CSMD1: variants seen among roughly 807,000 people sequenced by gnomAD.
CSMD1 encodes the protein CUB and sushi domain-containing protein 1.
CSMD1 carries 213 observed loss-of-function variants against 417.5 expected under a neutral mutation model. The ratio of observed to expected loss-of-function variants is 0.51; its 90% CI spans 0.46 to 0.57. The LOEUF (loss-of-function observed/expected upper bound fraction) is 0.57. Among genes scored for constraint, CSMD1 ranks in the 20% least tolerant of loss-of-function variants. CSMD1 has a pLI of 0.00. For synonymous variants in CSMD1, 2,862 were observed against 1,736.8 expected (o/e 1.65, Z -16.11); for missense variants, 6,923 against 4,529.7 (o/e 1.53, Z -15.17).
At chr8:4,272,828 T>G (rs966841984) in intron 3 of CSMD1, among the ~76,000 whole-genome samples, 1 of 152,204 alleles carries the variant, frequency 6.6e-6, no homozygotes, top group Non-Finnish European at 1.5e-5. Flanking sequence ...TTTGCTTGTA[T>G]CAGTCTTGAT....
intron 3 of CSMD1, among the ~76,000 whole-genome samples, chr8:4,181,340 A>G (rs1370255189): frequency 6.6e-6 from 1 of 151,666 alleles, no homozygotes; most frequent in Non-Finnish European, 1.5e-5. Flanking sequence ...AAGAAATGCA[A>G]TGGTACGGTT....
chr8:3,450,312 ATT>A (rs74808597), intron 12 of CSMD1, among the ~76,000 whole-genome samples: 29 of 146,902 alleles, frequency 2.0e-4, no homozygotes, highest in Admixed American at 8.8e-4. Flanking sequence ...AGCCTCTCCT[ATT>A]TTTTTTTTTA....
intron 2 of CSMD1, among the ~76,000 whole-genome samples, chr8:4,500,439 G>A (rs1246481138): frequency 6.6e-6 from 1 of 152,092 alleles, no homozygotes; most frequent in Non-Finnish European, 1.5e-5. Context: ...TGCGTAGATC[G>A]TGTAAACAAA....
intron 37 of CSMD1, among the ~76,000 whole-genome samples, chr8:3,180,432 A>T (rs569506816): frequency 7.9e-4 from 120 of 152,324 alleles, no homozygotes; most frequent in African/African-American, 2.8e-3. Context: ...TAATCTAGGC[A>T]GAAGTCAGGA....
At chr8:4,093,703 G>C (rs144772113) in intron 3 of CSMD1, among the ~76,000 whole-genome samples, 1 of 152,152 alleles carries the variant, frequency 6.6e-6, no homozygotes, top group Admixed American at 6.5e-5. Context: ...GCTCACAACT[G>C]TAATTTCGGC....
At position 3,106,639 on chromosome 8, in the gene CSMD1, C is replaced by G. The variant is rs752686366; in HGVS notation, c.6838G>C (p.Asp2280His). 1.2e-6 allele frequency: 2 copies of G among 1,606,330 alleles called. No homozygotes were observed. Among genetic ancestry groups the G allele is most frequent in the Non-Finnish European group, 1.7e-6 (2 of 1,173,698 alleles). Reference protein sequence around the residue: ...LTEDDDFEIGDFVKYQCHPGY... With the variant: ...LTEDDDFEIGHFVKYQCHPGY... ...GGGTGGCACTGGTACTTCACAAAATCTCCTAGAAGAGTCAATGCAACAAAC... is the reference window on the plus strand; with the variant it reads ...GGGTGGCACTGGTACTTCACAAAATGTCCTAGAAGAGTCAATGCAACAAAC... Residue 2280 changes from aspartate (D) to histidine (H), a missense_variant and splice_region_variant, in exon 46 of 70, where the codon GAT becomes CAT. Coordinates refer to ENST00000635120, the MANE Select transcript of CSMD1 (RefSeq NM_033225.6).
chr8:3,440,581 G>A (rs1585168606), intron 12 of CSMD1, among the ~76,000 whole-genome samples: 2 of 152,242 alleles, frequency 1.3e-5, no homozygotes. Flanking sequence ...AGACGATCAC[G>A]TTACTTGCAA....
chr8:3,409,462 G>C lies in CSMD1; in HGVS notation c.1705C>G (p.Gln569Glu), dbSNP rs1228175975. The C allele has an allele frequency of 1.2e-6, 2 of 1,611,470 alleles. No individual in the cohort carries two copies. The highest frequency in any genetic ancestry group is 2.2e-5 in the East Asian group (1 of 44,746). Residue 569 changes from glutamine to glutamate, a missense_variant, in exon 13 of 70, where the codon CAG becomes GAG. Physicochemically the swap from Gln to Glu is conservative, Grantham distance 29 (BLOSUM62 2). Transcript: ENST00000635120. ...LVGERVITCQ[Q>E]NNQWSGNKPS... The stretch of plus-strand genomic sequence containing the variant: ...TTGTTGCCAGACCACTGATTGTTCT[G>C]CTGACAGGTGATAACTCTCTCCCCC...
rs564656673 is a variant in CSMD1 at position 3,924,278 on chromosome 8, GCT to G, written c.818+73623_818+73624del. On this transcript the variant is annotated intron_variant, in intron 5 of 69. Transcript: ENST00000635120. ...AGGGATACCTTATATGTTGTAAACT[GCT>G]TTCCTCTTGATGCTTTCAATATTCC... 2.4e-3 allele frequency among the ~76,000 whole-genome samples: 366 copies of G among 152,260 alleles called. 2 individuals carry two copies. Among genetic ancestry groups the G allele is most frequent in the Non-Finnish European group, 4.3e-3 (292 of 68,014 alleles).
chr8:4,837,127 C>A (rs1055364531), intron 1 of CSMD1, among the ~76,000 whole-genome samples: 1 of 151,810 alleles, frequency 6.6e-6, no homozygotes, highest in Admixed American at 6.6e-5. Context: ...TCTAATAGAT[C>A]CAAATAATGT....
intron 1 of CSMD1, among the ~76,000 whole-genome samples, chr8:4,883,571 T>A (rs964391797): frequency 4.6e-5 from 7 of 152,130 alleles, no homozygotes; most frequent in Non-Finnish European, 1.0e-4. Context: ...TTTCGTATAA[T>A]AGAATCACAT....
chr8:4,771,944 G>A (rs1011350959), intron 1 of CSMD1, among the ~76,000 whole-genome samples: 2 of 152,166 alleles, frequency 1.3e-5, no homozygotes, highest in Non-Finnish European at 2.9e-5. Context: ...CGGGGATCTC[G>A]TGATAATTCC....
chr8:3,194,449 T>TATTTTATTTTATTTTATTTCATTTC (rs1796590523), intron 33 of CSMD1, among the ~76,000 whole-genome samples: 3 of 145,834 alleles, frequency 2.1e-5, no homozygotes, highest in Non-Finnish European at 4.4e-5. Context: ...TATTTTATTT[T>TATTTTATTTTATTTTATTTCATTTC]ATTTTATTTT....
At chr8:4,302,043 T>C (rs1166965398) in intron 3 of CSMD1, among the ~76,000 whole-genome samples, 1 of 152,234 alleles carries the variant, frequency 6.6e-6, no homozygotes, top group Non-Finnish European at 1.5e-5. Context: ...TTGAAATCCC[T>C]AATTTTTTCA....
At chr8:3,177,283 G>T (rs952933977) in intron 37 of CSMD1, among the ~76,000 whole-genome samples, 1 of 152,170 alleles carries the variant, frequency 6.6e-6, no homozygotes, top group Non-Finnish European at 1.5e-5. Context: ...CCTCTATCAG[G>T]GGGCTATAAG....
chr8:4,092,315 T>A (rs1800763626), intron 3 of CSMD1, among the ~76,000 whole-genome samples: 1 of 152,192 alleles, frequency 6.6e-6, no homozygotes. Flanking sequence ...CCTGGCTTCG[T>A]CCTTTCCTGT....
intron 49 of CSMD1, among the ~76,000 whole-genome samples, chr8:3,086,668 C>T (rs948192145): frequency 2.0e-5 from 3 of 152,122 alleles, no homozygotes; most frequent in African/African-American, 7.2e-5. Flanking sequence ...CTTTAACAAG[C>T]TCTAGATTTA....
chr8:3,965,577 T>A (rs1319129512), intron 5 of CSMD1, among the ~76,000 whole-genome samples: 1 of 152,056 alleles, frequency 6.6e-6, no homozygotes, highest in Admixed American at 6.5e-5. Flanking sequence ...TTCCAGGCCT[T>A]AGTGTTAATG....
intron 1 of CSMD1, among the ~76,000 whole-genome samples, chr8:4,753,762 G>A (rs185849343): frequency 1.3e-5 from 2 of 152,140 alleles, no homozygotes; most frequent in African/African-American, 2.4e-5. Context: ...CATTCTGATG[G>A]GAACATTCCC....
Sources: gnomAD v4.1 joint callset for allele counts (sites outside exome capture counted in the v4.1 genomes callset) on GRCh38, gnomAD v4.1.1 for gene constraint, MANE v1.5 for transcripts, NCBI Gene and HGNC (gene_info 2026-07-23, HGNC 2026-07-21) for gene names.